The following COL6A3 variants were observed in gnomAD, a reference collection of about 807,000 sequenced individuals.
The protein encoded by COL6A3 is collagen alpha-3(VI) chain.
Under a neutral mutation model 274.1 loss-of-function variants are expected in COL6A3, and 137 were observed. That is an observed-to-expected ratio of 0.50 (90% CI 0.44 to 0.58). The LOEUF is 0.58. Ranked by LOEUF, COL6A3 falls within the 20% of genes least tolerant of loss-of-function variation. The pLI is 0.00. For synonymous variants in COL6A3, 1,650 were observed against 1,650.6 expected (o/e 1.00, Z 0.01); for missense variants, 3,950 against 4,124.9 (o/e 0.96, Z 1.16).
chr2:237,407,685 T>C lies in COL6A3; in HGVS notation c.-31+6268A>G, dbSNP rs1001314893. Among the ~76,000 whole-genome samples, 3 of 152,300 alleles carry C rather than the reference T, an allele frequency of 2.0e-5. No individual in the cohort carries two copies. In the East Asian group the frequency reaches 5.8e-4, roughly 29 times the overall value. On this transcript the variant is annotated intron_variant, in intron 1 of 43. Coordinates refer to ENST00000295550, the MANE Select transcript of COL6A3 (RefSeq NM_004369.4). The surrounding 1 kb of genome is among the most constrained non-coding windows in gnomAD (Gnocchi z 4.3). ...AACATATTCCTAGCATTGCAGATAA[T>C]AACCATGAGGCAGAAAGTTCCATAT...
At chr2:237,403,181 C>T (rs1160112815) in intron 1 of COL6A3, among the ~76,000 whole-genome samples, 3 of 152,134 alleles carry the variant, frequency 2.0e-5, no homozygotes, top group Non-Finnish European at 4.4e-5. Flanking sequence ...TGAAATTCCT[C>T]CTGCCTGAGG....
chr2:237,324,884 C>T, intron 43 of COL6A3, 70 bp from the exon 44 acceptor site: 1 of 1,530,456 alleles, frequency 6.5e-7, no homozygotes, highest in Non-Finnish European at 9.0e-7. Flanking sequence ...AGCCACATTA[C>T]TGACCCAAAA....
intron 14 of COL6A3, among the ~76,000 whole-genome samples, chr2:237,362,765 G>T (rs928398128): frequency 2.0e-5 from 3 of 152,208 alleles, no homozygotes; most frequent in Non-Finnish European, 4.4e-5. Flanking sequence ...GCTGGCCCTG[G>T]GGAGAATGAG....
intron 17 of COL6A3, 67 bp from the exon 18 acceptor site, chr2:237,359,455 G>T: frequency 6.5e-7 from 1 of 1,531,372 alleles, no homozygotes; most frequent in Non-Finnish European, 9.0e-7. Flanking sequence ...GGCAGAAGAG[G>T]CCAAGGGCTG....
chr2:237,378,372 G>GA (rs1288493428), intron 6 of COL6A3, among the ~76,000 whole-genome samples: 3 of 152,002 alleles, frequency 2.0e-5, no homozygotes, highest in East Asian at 1.9e-4. Context: ...GTCATTAGAG[G>GA]AAAAAAAATC....
chr2:237,404,895 G>C (rs909468648), intron 1 of COL6A3, among the ~76,000 whole-genome samples: 1 of 152,128 alleles, frequency 6.6e-6, no homozygotes, highest in Admixed American at 6.5e-5. Flanking sequence ...TGAACTTTTA[G>C]TTCATTGAAA....
chr2:237,342,895 G>A (rs1388616545), intron 36 of COL6A3: 1 of 152,382 alleles, frequency 6.6e-6, no homozygotes, highest in Non-Finnish European at 1.5e-5. Context: ...GTGTTCGGCA[G>A]AACAAGCCCT....
At position 237,368,173 on chromosome 2, in the gene COL6A3, C is replaced by A. The variant is rs908512696; in HGVS notation, c.4900+390G>T. Among the ~76,000 whole-genome samples the A allele has an allele frequency of 3.3e-5, 5 of 152,186 alleles. No individual in the cohort carries two copies. The highest frequency in any genetic ancestry group is 7.3e-5 in the Non-Finnish European group (5 of 68,030). On this transcript the variant is annotated intron_variant, in intron 10 of 43. Transcript: ENST00000295550. This position sits in a 1 kb window ranked among gnomAD's most constrained non-coding sequence, Gnocchi z 4.4. ...AGGAAGGTGCTCCCTGATGGTCCCACCAGGCCAAGGAATGAGGGGACCTGG... is the reference window on the plus strand; with the variant it reads ...AGGAAGGTGCTCCCTGATGGTCCCAACAGGCCAAGGAATGAGGGGACCTGG...
At position 237,407,547 on chromosome 2, in the gene COL6A3, C is replaced by T. The variant is rs533956725; in HGVS notation, c.-31+6406G>A. Among the ~76,000 whole-genome samples the T allele has an allele frequency of 1.3e-5, 2 of 152,348 alleles. No individual in the cohort carries two copies. The highest frequency in any genetic ancestry group is 2.1e-4 in the South Asian group (1 of 4,828). Reference sequence around the variant, plus strand: ...AATGAGAGCACCTGTAAGAATATGCCGACCTGCAGCCAGGCTTAGGCCAAG... The same window carrying T: ...AATGAGAGCACCTGTAAGAATATGCTGACCTGCAGCCAGGCTTAGGCCAAG... On this transcript the variant is annotated intron_variant, in intron 1 of 43. Transcript: ENST00000295550. The surrounding 1 kb of genome is among the most constrained non-coding windows in gnomAD (Gnocchi z 4.3).
At position 237,341,006 on chromosome 2, in the gene COL6A3, T is replaced by C. The variant is rs774092134; in HGVS notation, c.7910A>G (p.Glu2637Gly). The C allele has an allele frequency of 3.1e-6, 5 of 1,614,034 alleles. No homozygotes were observed. Among genetic ancestry groups the C allele is most frequent in the East Asian group, 2.2e-5 (1 of 44,862 alleles). ...CAGGTACGCTATGTACTTCTTCATC[T>C]CATTGAACTGGAACAGGGTGGTGGT... ...AETTTLFQFN[E>G]MKKYIAYLVR... The change falls in exon 38 of 44, where the codon GAG becomes GGG. Residue 2637 changes from glutamate to glycine, a missense_variant. By Grantham distance (98) the Glu-to-Gly change is moderately conservative. Transcript: ENST00000295550.
At chr2:237,403,138 G>T (rs1289868622) in intron 1 of COL6A3, among the ~76,000 whole-genome samples, 1 of 152,150 alleles carries the variant, frequency 6.6e-6, no homozygotes. Flanking sequence ...TGGGTGCAAA[G>T]GAAACCTGAA....
intron 1 of COL6A3, among the ~76,000 whole-genome samples, chr2:237,402,368 GT>G (rs1388220130): frequency 6.6e-6 from 1 of 152,112 alleles, no homozygotes; most frequent in East Asian, 1.9e-4. Flanking sequence ...AAGATAGTAT[GT>G]TTTATGTTAT....
chr2:237,351,240 G>T, intron 26 of COL6A3, 48 bp from the exon 27 acceptor site: 1 of 1,585,772 alleles, frequency 6.3e-7, no homozygotes, highest in Non-Finnish European at 8.7e-7. Context: ...CAACCGTCCA[G>T]GCAAATTGGT....
intron 42 of COL6A3, among the ~76,000 whole-genome samples, chr2:237,332,771 G>C (rs993447268): frequency 1.3e-5 from 2 of 152,148 alleles, no homozygotes; most frequent in African/African-American, 4.8e-5. Context: ...TTAATAATCA[G>C]TTTCTCACCG....
chr2:237,324,127 C>T lies in COL6A3; in HGVS notation c.*647G>A, dbSNP rs1445106231. 1.3e-5 allele frequency: 2 copies of T among 151,116 alleles called. No individual in the cohort carries two copies. The highest frequency in any genetic ancestry group is 2.9e-5 in the Non-Finnish European group (2 of 67,840). 9.4% of individuals were successfully genotyped at this position (151,116 alleles called of 1,614,324 possible). On this transcript the variant is annotated 3_prime_UTR_variant, in exon 44 of 44. Transcript: ENST00000295550. ...GCACACACAAAAAAAAAACACACAA[C>T]ATTAGAGGAATGCCAAAAATATTCT...
At chr2:237,350,076 C>G in intron 28 of COL6A3, 71 bp downstream of exon 28, 1 of 1,419,774 alleles carries the variant, frequency 7.0e-7, no homozygotes, top group Non-Finnish European at 1.0e-6. Context: ...ATTTGGAACC[C>G]TCTCCTGGCT....
Position 237,381,170 on chromosome 2 carries a change from C to T in COL6A3, c.1642G>A (p.Gly548Arg). 1.9e-6 allele frequency: 3 copies of T among 1,614,236 alleles called. No individual in the cohort carries two copies. Among genetic ancestry groups the T allele is most frequent in the Non-Finnish European group, 2.5e-6 (3 of 1,180,044 alleles). Residue 548 changes from glycine (G) to arginine (R), a missense_variant, in exon 5 of 44, where the codon GGG (glycine) becomes AGG (arginine). Physicochemically the swap from Gly to Arg is moderately radical, Grantham distance 125 (BLOSUM62 -2). This residue lies in a region of COL6A3 where 1,934 missense variants were observed against 1,984.3 expected (regional missense o/e 0.97). Transcript: ENST00000295550. Reference sequence around the variant, plus strand: ...ATCAGCACCAAAAGCTTAGGAATCCCCTCGGCAGCCCGGTAGCCGGCTGAA... The same window carrying T: ...ATCAGCACCAAAAGCTTAGGAATCCTCTCGGCAGCCCGGTAGCCGGCTGAA... Reference protein sequence around the residue: ...TSSAGYRAAEGIPKLLVLITG... With the variant: ...TSSAGYRAAERIPKLLVLITG...
chr2:237,372,704 G>C (rs1045125442), intron 8 of COL6A3, among the ~76,000 whole-genome samples: 13 of 152,214 alleles, frequency 8.5e-5, no homozygotes, highest in Non-Finnish European at 1.8e-4. Flanking sequence ...TGGAGCACTT[G>C]GGGGAGGAGC....
chr2:237,361,101 C>T lies in COL6A3; in HGVS notation c.6210+20G>A. On this transcript the variant is annotated intron_variant, in intron 16 of 43. Transcript: ENST00000295550. The surrounding 1 kb of genome is among the most constrained non-coding windows in gnomAD (Gnocchi z 5.1). ...CAAGGAGGGGGTGAAATTTTAGGGACTAAAACAATTTTTACTTACGGGTCC... is the reference window on the plus strand; with the variant it reads ...CAAGGAGGGGGTGAAATTTTAGGGATTAAAACAATTTTTACTTACGGGTCC... 1 of 1,611,960 alleles carries T rather than the reference C, an allele frequency of 6.2e-7. No homozygotes were observed. Among genetic ancestry groups the T allele is most frequent in the Non-Finnish European group, 8.5e-7 (1 of 1,178,050 alleles).
Sources: allele counts gnomAD v4.1 joint callset (sites outside exome capture counted in the v4.1 genomes callset), GRCh38; gene constraint gnomAD v4.1.1; regional missense constraint gnomAD v4.1.1; non-coding constraint Gnocchi (gnomAD v3.1); transcripts MANE v1.5; gene names NCBI Gene and HGNC (gene_info 2026-07-23, HGNC 2026-07-21).